The following GSN variants were observed in gnomAD, a reference collection of about 807,000 sequenced individuals.
GSN encodes gelsolin, also known as actin-depolymerizing factor.
GSN carries 56 observed loss-of-function variants against 85.7 expected under a neutral mutation model. That is an observed-to-expected ratio of 0.65 (90% CI 0.53 to 0.82). GSN has a LOEUF of 0.82. GSN is among the 40% of genes least tolerant of loss of function. GSN has a pLI of 0.00. For missense variants in GSN, 857 were observed against 979.8 expected, an observed-to-expected ratio of 0.87 and a Z score of 1.67; for synonymous variants, 373 against 399.1, an observed-to-expected ratio of 0.93 and a Z score of 0.78.
chr9:121,271,013 C>T (rs564036373), intron 1 of GSN, among the ~76,000 whole-genome samples: 1 of 152,292 alleles, frequency 6.6e-6, no homozygotes, highest in East Asian at 1.9e-4. Flanking sequence ...AATCCTATCT[C>T]TCTGAGCCTC....
chr9:121,327,194 G>A, intron 13 of GSN, 114 bp from the exon 14 acceptor site: 1 of 890,520 alleles, frequency 1.1e-6, no homozygotes, highest in Non-Finnish European at 1.9e-6. Context: ...GATGGGCTGT[G>A]TTCCTCCAAG....
chr9:121,319,354 A>T (rs1427830787), intron 10 of GSN, among the ~76,000 whole-genome samples: 4 of 152,158 alleles, frequency 2.6e-5, no homozygotes, highest in African/African-American at 9.6e-5. Context: ...GCTAGTGCTG[A>T]TGGCATCCCC....
intron 11 of GSN, among the ~76,000 whole-genome samples, 178 bp downstream of exon 11, chr9:121,321,579 C>G (rs572389632): frequency 6.6e-6 from 1 of 152,218 alleles, no homozygotes; most frequent in Non-Finnish European, 1.5e-5. Flanking sequence ...TGAAACTCTT[C>G]TTACCAAATG....
In GSN at chr9:121,329,141, G is replaced by C. The variant is rs1190958934; in HGVS notation, c.1888-97G>C. 9 of 1,477,020 alleles carry C rather than the reference G, an allele frequency of 6.1e-6. No individual in the cohort carries two copies. Among genetic ancestry groups the C allele is most frequent in the Non-Finnish European group, 8.5e-6 (9 of 1,061,392 alleles). The allele number at this position is 1,477,020 out of a possible 1,614,324, so 91.5% of individuals were successfully genotyped here. On this transcript the variant is annotated intron_variant, in intron 15 of 17. Transcript: ENST00000432226. This position sits in a 1 kb window ranked among gnomAD's most constrained non-coding sequence, Gnocchi z 4.6. ...GCACAGAGGAAGGGGCCCCCTGCCA[G>C]CTGCAGCCAGCTGTGCCACTCCCTC... is the stretch of plus-strand genomic sequence containing the variant.
intron 2 of GSN, among the ~76,000 whole-genome samples, chr9:121,297,319 CTAAG>C (rs1454464467): frequency 1.3e-5 from 2 of 152,126 alleles, no homozygotes; most frequent in Non-Finnish European, 2.9e-5. Flanking sequence ...GATTCACACA[CTAAG>C]TATACCTATA....
At chr9:121,201,567 A>C in the GSN span, 1 of 152,370 alleles carries the variant, frequency 6.6e-6, no homozygotes, top group Non-Finnish European at 1.5e-5. Flanking sequence ...CACCGTCCCC[A>C]CACACGCCCC....
At chr9:121,279,124 G>C (rs556712738) in intron 1 of GSN, among the ~76,000 whole-genome samples, 212 of 152,130 alleles carry the variant, frequency 1.4e-3, no homozygotes, top group African/African-American at 4.9e-3. Context: ...AGATTAGGGG[G>C]TGTGGAGGTC....
chr9:121,308,246 C>T lies in GSN; in HGVS notation c.352-2438C>T, dbSNP rs567922328. On this transcript the variant is annotated intron_variant, in intron 4 of 17. Transcript: ENST00000432226. The stretch of plus-strand genomic sequence containing the variant: ...TAGTCCCAAGGGACTCTTGAAAGGC[C>T]TTAGCTGAGACCAAGAAGGGACACC... 9.2e-5 allele frequency: 14 copies of T among 152,416 alleles called. 1 individual carries two copies. In the East Asian group the frequency reaches 2.7e-3, roughly 29 times the overall value. 9.4% of individuals were successfully genotyped at this position (152,416 alleles called of 1,614,324 possible). A position where few individuals can be genotyped will look rare whatever the true frequency, so the allele number is the denominator to read the frequency against.
intron 4 of GSN, among the ~76,000 whole-genome samples, chr9:121,223,934 C>T (rs1002147003): frequency 1.3e-5 from 2 of 152,226 alleles, no homozygotes; most frequent in African/African-American, 4.8e-5. Context: ...GCTGGAATTA[C>T]AAGCATGACC....
the GSN span, chr9:121,201,717 C>A: frequency 1.3e-5 from 2 of 151,246 alleles, no homozygotes; most frequent in Non-Finnish European, 2.9e-5. Flanking sequence ...GCGGACGCAG[C>A]GGGAGAGGGG....
chr9:121,327,244 G>A, intron 13 of GSN, 64 bp from the exon 14 acceptor site: 1 of 1,323,628 alleles, frequency 7.6e-7, no homozygotes, highest in Middle Eastern at 1.8e-4. Context: ...GGTCTCCTGG[G>A]CTGTGAGGAG....
chr9:121,307,184 A>G (rs962087449), intron 4 of GSN, among the ~76,000 whole-genome samples: 22 of 152,226 alleles, frequency 1.4e-4, no homozygotes, highest in Non-Finnish European at 2.8e-4. Context: ...CTGTCTCAAA[A>G]AAAAAAGAAT....
At chr9:121,236,562 T>G (rs1168737854) in intron 5 of GSN, among the ~76,000 whole-genome samples, 2 of 152,134 alleles carry the variant, frequency 1.3e-5, no homozygotes, top group African/African-American at 4.8e-5. Flanking sequence ...ACATTAAAAT[T>G]ATACTGACTT....
intron 4 of GSN, among the ~76,000 whole-genome samples, chr9:121,220,914 T>G (rs1322803009): frequency 1.3e-5 from 2 of 152,230 alleles, no homozygotes; most frequent in African/African-American, 4.8e-5. Context: ...ATATCAATTG[T>G]TAAAAGTGAA....
chr9:121,321,173 C>G, intron 10 of GSN, 95 bp from the exon 11 acceptor site: 1 of 1,347,814 alleles, frequency 7.4e-7, no homozygotes, highest in South Asian at 1.2e-5. Context: ...CATCCCATGG[C>G]CTAACCACAA....
the GSN span, among the ~76,000 whole-genome samples, chr9:121,202,336 G>A: frequency 1.3e-5 from 2 of 152,126 alleles, no homozygotes; most frequent in Non-Finnish European, 2.9e-5. Flanking sequence ...TGTATATACC[G>A]CTGTATGCTT....
intron 4 of GSN, among the ~76,000 whole-genome samples, chr9:121,229,379 C>A (rs1321038444): frequency 6.6e-6 from 1 of 152,196 alleles, no homozygotes; most frequent in East Asian, 1.9e-4. Flanking sequence ...CGCCACCACA[C>A]CCGGCTAATT....
chr9:121,253,826 G>C (rs2054890902), intron 6 of GSN, among the ~76,000 whole-genome samples: 1 of 152,078 alleles, frequency 6.6e-6, no homozygotes, highest in Non-Finnish European at 1.5e-5. Flanking sequence ...ACCCTTCTTT[G>C]CTGGTTCCAT....
In GSN at chr9:121,251,942, CAA is replaced by C. The variant is rs1413798124; in HGVS notation, c.-341+3620_-341+3621del. Among the ~76,000 whole-genome samples, 17 of 152,194 alleles carry C rather than the reference CAA, an allele frequency of 1.1e-4. No homozygotes were observed. The East Asian group carries it at 3.3e-3, about 29-fold the overall frequency. On this transcript the variant is annotated intron_variant, in intron 6 of 24. Transcript: ENST00000373823. ...TGCCATTGCACTCCAGCCTGGGCGA[CAA>C]GAGCAAAACTCTGTCTCCAAAACAA...
Sources: gnomAD v4.1 joint callset for allele counts (sites outside exome capture counted in the v4.1 genomes callset) on GRCh38, gnomAD v4.1.1 for gene constraint, Gnocchi (gnomAD v3.1) non-coding constraint, MANE v1.5 for transcripts, NCBI Gene and HGNC (gene_info 2026-07-23, HGNC 2026-07-21) for gene names.